MICU2: variants seen among roughly 807,000 people sequenced by gnomAD.
The protein encoded by MICU2 is calcium uptake protein 2, mitochondrial.
A neutral mutation model predicts 60.4 loss-of-function variants in MICU2; 64 were observed. That is an observed-to-expected ratio of 1.06 (90% CI 0.87 to 1.31). The LOEUF (loss-of-function observed/expected upper bound fraction) is 1.31, where lower values mean the gene tolerates loss of function less well. Among genes scored for constraint, MICU2 ranks in the 50% most tolerant of loss-of-function variants. The probability of loss-of-function intolerance (pLI) is 0.00; values close to 1 mark genes in which losing one functional copy is unlikely to be tolerated. For synonymous variants in MICU2, 201 were observed against 175.0 expected, an observed-to-expected ratio of 1.15 and a Z score of -1.17; for missense variants, 569 against 531.0, an observed-to-expected ratio of 1.07 and a Z score of -0.70.
chr13:21,543,080 G>C (rs980300957), intron 2 of MICU2, among the ~76,000 whole-genome samples: 3 of 152,092 alleles, frequency 2.0e-5, no homozygotes, highest in Non-Finnish European at 4.4e-5. Context: ...ATCAATATTA[G>C]AATCAGCCTA....
chr13:21,521,511 C>T (rs1045897390), intron 5 of MICU2, among the ~76,000 whole-genome samples, 184 bp from the exon 6 acceptor site: 1 of 152,148 alleles, frequency 6.6e-6, no homozygotes, highest in Non-Finnish European at 1.5e-5. Flanking sequence ...TTGTTCCCTG[C>T]CTTCTTCAAC....
At position 21,539,549 on chromosome 13, in the gene MICU2, T is replaced by C. The variant is rs568906199; in HGVS notation, c.390+108A>G. 3.3e-5 allele frequency: 47 copies of C among 1,445,628 alleles called. No individual in the cohort carries two copies. In the East Asian group the frequency reaches 6.4e-4, roughly 20 times the overall value. 89.6% of individuals were successfully genotyped at this position (1,445,628 alleles called of 1,614,324 possible). The stretch of plus-strand genomic sequence containing the variant: ...TCCTGACCTCGTGATCCGCCCACCT[T>C]GGCCTCCCAAAGTGCTGGGATTACA... On this transcript the variant is annotated intron_variant, in intron 3 of 11. Coordinates refer to ENST00000382374, the MANE Select transcript of MICU2 (RefSeq NM_152726.3).
At chr13:21,537,390 T>C (rs1887156178) in intron 4 of MICU2, among the ~76,000 whole-genome samples, 1 of 152,198 alleles carries the variant, frequency 6.6e-6, no homozygotes, top group Non-Finnish European at 1.5e-5. Flanking sequence ...ATCAGTTCTT[T>C]TTCCATATCC....
chr13:21,544,541 A>C (rs2138008372), intron 2 of MICU2, among the ~76,000 whole-genome samples: 1 of 145,208 alleles, frequency 6.9e-6, no homozygotes, highest in Non-Finnish European at 1.5e-5. Context: ...AAAACTCAAT[A>C]CCACTGATCA....
intron 1 of MICU2, among the ~76,000 whole-genome samples, chr13:21,569,216 G>A (rs2138042946): frequency 6.6e-6 from 1 of 152,228 alleles, no homozygotes; most frequent in Non-Finnish European, 1.5e-5. Context: ...CCAGTACATG[G>A]TGAGGTATAA....
At chr13:21,595,356 GTCCACCTT>G (rs545696003) in intron 1 of MICU2, among the ~76,000 whole-genome samples, 80 of 152,324 alleles carry the variant, frequency 5.3e-4, no homozygotes, top group African/African-American at 1.8e-3. Context: ...TCAGGTCTCA[GTCCACCTT>G]TTGTTATTCA....
intron 2 of MICU2, among the ~76,000 whole-genome samples, chr13:21,546,626 A>G (rs1381607464): frequency 6.6e-6 from 1 of 152,156 alleles, no homozygotes; most frequent in Non-Finnish European, 1.5e-5. Flanking sequence ...AAGGCAGGAG[A>G]AGCTAAGTGC....
Position 21,496,091 on chromosome 13 carries a change from T to G in MICU2, c.1003A>C (p.Met335Leu). Residue 335 changes from methionine (M) to leucine (L), a missense_variant, in exon 10 of 12, where the codon ATG (methionine) becomes CTG (leucine). Transcript: ENST00000382374. ...TTHLEDFAIAMQMFSLAHRPV... is the reference protein window; with the variant it reads ...TTHLEDFAIALQMFSLAHRPV... Reference sequence around the variant, plus strand: ...CGATGAGCTAAACTGAACATCTGCATGGCAATAGCAAAGTCTTCCAAGTGG... The same window carrying G: ...CGATGAGCTAAACTGAACATCTGCAGGGCAATAGCAAAGTCTTCCAAGTGG... 1 of 1,614,108 alleles carries G rather than the reference T, an allele frequency of 6.2e-7. No homozygotes were observed. Among genetic ancestry groups the G allele is most frequent in the South Asian group, 1.1e-5 (1 of 91,068 alleles).
chr13:21,603,676 G>A (rs1888878691), intron 1 of MICU2: 1 of 536,200 alleles, frequency 1.9e-6, no homozygotes. Context: ...GGCCAGTTTT[G>A]TGGGCCGTGG....
intron 1 of MICU2, among the ~76,000 whole-genome samples, chr13:21,567,964 C>T (rs2138041449): frequency 6.6e-6 from 1 of 152,306 alleles, no homozygotes; most frequent in African/African-American, 2.4e-5. Context: ...AGTTAAAAGA[C>T]ACCTATGTCA....
chr13:21,588,111 C>A (rs1888499058), intron 1 of MICU2, among the ~76,000 whole-genome samples: 1 of 152,194 alleles, frequency 6.6e-6, no homozygotes, highest in Non-Finnish European at 1.5e-5. Context: ...CTGCGGACCA[C>A]TAAAGAGCAA....
intron 7 of MICU2, among the ~76,000 whole-genome samples, chr13:21,510,636 A>C (rs1177879139): frequency 6.6e-6 from 1 of 152,140 alleles, no homozygotes; most frequent in Non-Finnish European, 1.5e-5. Context: ...AAAAAGAAAA[A>C]ACCATCAGCA....
intron 9 of MICU2, among the ~76,000 whole-genome samples, chr13:21,498,709 G>A (rs1169496399): frequency 1.3e-5 from 2 of 151,540 alleles, no homozygotes; most frequent in East Asian, 2.0e-4. Context: ...GTGTATACAT[G>A]TACACACACG....
chr13:21,516,761 G>A (rs1446992537), intron 6 of MICU2, among the ~76,000 whole-genome samples: 2 of 152,146 alleles, frequency 1.3e-5, no homozygotes, highest in African/African-American at 2.4e-5. Context: ...GACAACTCAC[G>A]TAAAAGGCAC....
At chr13:21,586,096 TATC>T (rs941747974) in intron 1 of MICU2, among the ~76,000 whole-genome samples, 5 of 152,192 alleles carry the variant, frequency 3.3e-5, no homozygotes, top group Admixed American at 3.3e-4. Context: ...GTCCTATATT[TATC>T]ATAATTGTTG....
At chr13:21,584,762 T>C (rs1888423085) in intron 1 of MICU2, among the ~76,000 whole-genome samples, 1 of 152,206 alleles carries the variant, frequency 6.6e-6, no homozygotes, top group Non-Finnish European at 1.5e-5. Flanking sequence ...CTCTACCAAA[T>C]ATTTACTGCT....
rs752724302 is a variant in MICU2, at chr13:21,604,135, G to C, written c.14C>G (p.Ala5Gly). Residue 5 changes from alanine to glycine, a missense_variant, in exon 1 of 12, where the codon GCG becomes GGG. Physicochemically the swap from Ala to Gly is moderately conservative, Grantham distance 60. Transcript: ENST00000382374. ...GGCCGCCACCCGCGCGCAGCTACCC[G>C]CAGCCGCCGCCATCTTTGCGGAAGC... The part of the protein sequence containing the change: MAAA[A>G]GSCARVAAWG... 6.4e-7 allele frequency: 1 copy of C among 1,560,596 alleles called. No individual in the cohort carries two copies. The highest frequency in any genetic ancestry group is 2.4e-5 in the East Asian group (1 of 41,116).
intron 8 of MICU2, among the ~76,000 whole-genome samples, 198 bp downstream of exon 8, chr13:21,509,806 T>G (rs554646627): frequency 1.3e-5 from 2 of 152,352 alleles, no homozygotes; most frequent in East Asian, 3.9e-4. Context: ...TATAGTAAGG[T>G]ACGATATTTT....
intron 1 of MICU2, among the ~76,000 whole-genome samples, chr13:21,576,202 T>C (rs1888224426): frequency 6.6e-6 from 1 of 152,254 alleles, no homozygotes; most frequent in South Asian, 2.1e-4. Context: ...TTTTTCAGTG[T>C]TATATAATTA....
Sources: gnomAD v4.1 joint callset for allele counts (sites outside exome capture counted in the v4.1 genomes callset) on GRCh38, gnomAD v4.1.1 for gene constraint, MANE v1.5 for transcripts, NCBI Gene and HGNC (gene_info 2026-07-23, HGNC 2026-07-21) for gene names.